The following ZFP30 variants were observed in gnomAD, a reference collection of about 807,000 sequenced individuals.
The protein encoded by ZFP30 is ZFP30 zinc finger protein.
ZFP30 carries 16 observed loss-of-function variants against 12.3 expected under a neutral mutation model. The observed-to-expected ratio is 1.30, with a 90% CI of 0.88 to 1.98. ZFP30 has a LOEUF of 1.98. ZFP30 is among the 30% of genes most tolerant of loss of function. The pLI, the probability that ZFP30 is intolerant of heterozygous loss-of-function variation, is 0.00. For missense variants in ZFP30, 560 were observed against 611.2 expected (o/e 0.92, Z 0.88); for synonymous variants, 172 against 201.0 (o/e 0.86, Z 1.22).
In ZFP30 at chr19:37,633,977, T is replaced by C. The variant is rs550015581; in HGVS notation, c.*1004A>G. The C allele has an allele frequency of 6.6e-6, 1 of 152,232 alleles. No individual in the cohort carries two copies. The highest frequency in any genetic ancestry group is 1.5e-5 in the Non-Finnish European group (1 of 68,044). The allele number at this position is 152,232 out of a possible 1,614,324, so 9.4% of individuals were successfully genotyped here. ...CAAAGTTTCTTAATATTATCTAATA[T>C]TGTCAATATTCCATTCTCCCAATTA... On this transcript the variant is annotated 3_prime_UTR_variant, in exon 6 of 6. Coordinates refer to ENST00000684514, the MANE Select transcript of ZFP30 (RefSeq NM_001320669.3).
chr19:37,635,200 A>T lies in ZFP30; in HGVS notation c.1341T>A (p.Phe447Leu). 1.2e-6 allele frequency: 2 copies of T among 1,613,436 alleles called. No homozygotes were observed. The highest frequency in any genetic ancestry group is 4.5e-5 in the East Asian group (2 of 44,842). Residue 447 changes from phenylalanine to leucine, a missense_variant, in exon 6 of 6, where the codon TTT (phenylalanine) becomes TTA (leucine). Coordinates refer to ENST00000684514, the MANE Select transcript of ZFP30 (RefSeq NM_001320669.3). ...GTTGGGTAAGTTGTGAAAGCAGTCT[A>T]AAAGTCTTCTCACATTCCTTACACT... is the stretch of plus-strand genomic sequence containing the variant. ...PFKCKECEKT[F>L]RLLSQLTQHQ... is the part of the protein sequence containing the mutation.
intron 3 of ZFP30, among the ~76,000 whole-genome samples, chr19:37,645,592 C>T (rs1411735195): frequency 2.0e-5 from 3 of 149,262 alleles, no homozygotes; most frequent in Non-Finnish European, 3.0e-5. Flanking sequence ...AAACTTCCTA[C>T]GTACTATGGA....
chr19:37,649,137 T>C (rs2044599245), intron 2 of ZFP30, among the ~76,000 whole-genome samples: 1 of 151,620 alleles, frequency 6.6e-6, no homozygotes, highest in Non-Finnish European at 1.5e-5. Context: ...CCTAGTTACT[T>C]GGGAGGCTGA....
intron 2 of ZFP30, among the ~76,000 whole-genome samples, chr19:37,654,117 G>A (rs184882405): frequency 2.0e-4 from 30 of 152,294 alleles, no homozygotes; most frequent in East Asian, 1.9e-3. Context: ...ACACCGTAAA[G>A]TATACACTAT....
intron 2 of ZFP30, among the ~76,000 whole-genome samples, chr19:37,648,743 T>C (rs1481467961): frequency 1.3e-5 from 2 of 152,190 alleles, no homozygotes; most frequent in Admixed American, 6.5e-5. Context: ...AGAAAGGCTA[T>C]ATAGCAGCCT....
Position 37,632,542 on chromosome 19 carries a change from A to G in ZFP30, c.*2439T>C, listed in dbSNP as rs1944298733. On this transcript the variant is annotated 3_prime_UTR_variant, in exon 6 of 6. Transcript: ENST00000684514. Reference sequence around the variant, plus strand: ...CGCTGACAATAGAAATACGTGAGCTACATATATAAATTTTCCTATAACAAT... The same window carrying G: ...CGCTGACAATAGAAATACGTGAGCTGCATATATAAATTTTCCTATAACAAT... The G allele has an allele frequency of 6.6e-6, 1 of 152,192 alleles. No individual in the cohort carries two copies. Among genetic ancestry groups the G allele is most frequent in the African/African-American group, 2.4e-5 (1 of 41,452 alleles). The allele number at this position is 152,192 out of a possible 1,614,324, so 9.4% of individuals were successfully genotyped here.
Position 37,635,577 on chromosome 19 carries a change from C to T in ZFP30, c.964G>A (p.Gly322Arg), listed in dbSNP as rs1348488396. Residue 322 changes from glycine (G) to arginine (R), a missense_variant, in exon 6 of 6, where the codon GGA (glycine) becomes AGA (arginine). By Grantham distance (125) the Gly-to-Arg change is moderately radical. Transcript: ENST00000684514. ...TCCTTACATTCATAGGGTTTTTCTC[C>T]AGTATGAAGTTTGTGATGTAGTCGA... ...GLRLHHKLHT[G>R]EKPYECKECG... 5.0e-6 allele frequency: 8 copies of T among 1,614,100 alleles called. No homozygotes were observed. The highest frequency in any genetic ancestry group is 1.1e-5 in the South Asian group (1 of 91,078).
At chr19:37,636,382 G>A (rs1400366485) in intron 5 of ZFP30, 77 bp from the exon 6 acceptor site, 65 of 1,262,766 alleles carry the variant, frequency 5.1e-5, no homozygotes, top group Middle Eastern at 3.0e-4. Flanking sequence ...AATAGAAATC[G>A]GTGACCAAAA....
rs1467332171 is a variant in ZFP30 at position 37,633,165 on chromosome 19, C to A, written c.*1816G>T. ...CAGCCTGGGCGAAAGAGCGAGACTC[C>A]GTCTCAAAAAAAAAAAAAAAAAAGG... On this transcript the variant is annotated 3_prime_UTR_variant, in exon 6 of 6. Transcript: ENST00000684514. 7.9e-6 allele frequency: 1 copy of A among 126,710 alleles called. No individual in the cohort carries two copies. The highest frequency in any genetic ancestry group is 1.7e-5 in the Non-Finnish European group (1 of 58,392). The allele number at this position is 126,710 out of a possible 1,614,324, so 7.8% of individuals were successfully genotyped here.
chr19:37,635,516 G>C lies in ZFP30; in HGVS notation c.1025C>G (p.Thr342Ser), dbSNP rs983365112. 1 of 1,613,734 alleles carries C rather than the reference G, an allele frequency of 6.2e-7. No homozygotes were observed. The highest frequency in any genetic ancestry group is 1.3e-5 in the African/African-American group (1 of 74,812). The change falls in exon 6 of 6, where the codon ACT (threonine) becomes AGT (serine). Residue 342 changes from threonine to serine, a missense_variant. By Grantham distance (58) the Thr-to-Ser change is moderately conservative (BLOSUM62 1). Coordinates refer to ENST00000684514, the MANE Select transcript of ZFP30 (RefSeq NM_001320669.3). ...ACCAGTGTGAATTCTCTGATGGAGA[G>C]TAAGTTGCTGCCGCACTCTAAAGGC... ...GKAFRVRQQL[T>S]LHQRIHTGEK...
Position 37,636,143 on chromosome 19 carries a change from G to A in ZFP30, c.398C>T (p.Ser133Phe). 1 of 1,614,108 alleles carries A rather than the reference G, an allele frequency of 6.2e-7. No homozygotes were observed. Among genetic ancestry groups the A allele is most frequent in the Non-Finnish European group, 8.5e-7 (1 of 1,180,028 alleles). Reference sequence around the variant, plus strand: ...TTTTCTGTAAGTAGGCATTTTTTCAGAGGTGGTTTTTGTCACTTGCCTGAA... The same window carrying A: ...TTTTCTGTAAGTAGGCATTTTTTCAAAGGTGGTTTTTGTCACTTGCCTGAA... ...VCFRQVTKTT[S>F]EKMPTYRKLT... Residue 133 changes from serine (S) to phenylalanine (F), a missense_variant, in exon 6 of 6, where the codon TCT becomes TTT. Coordinates refer to ENST00000684514, the MANE Select transcript of ZFP30 (RefSeq NM_001320669.3).
In ZFP30 at chr19:37,632,307, T is replaced by TAC. The variant is rs2044246567; in HGVS notation, c.*2672_*2673dup. The stretch of plus-strand genomic sequence containing the variant: ...GTGTATAAATATAAATATATATACC[T>TAC]ACACACTATACACACACACATTACA... On this transcript the variant is annotated 3_prime_UTR_variant, in exon 6 of 6. Coordinates refer to ENST00000684514, the MANE Select transcript of ZFP30 (RefSeq NM_001320669.3). The TAC allele has an allele frequency of 2.0e-5, 3 of 152,048 alleles. No individual in the cohort carries two copies. Among genetic ancestry groups the TAC allele is most frequent in the Non-Finnish European group, 2.9e-5 (2 of 67,996 alleles). The allele number at this position is 152,048 out of a possible 1,614,324, so 9.4% of individuals were successfully genotyped here.
At chr19:37,650,591 T>C (rs902984730) in intron 2 of ZFP30, among the ~76,000 whole-genome samples, 5 of 152,146 alleles carry the variant, frequency 3.3e-5, no homozygotes, top group African/African-American at 4.8e-5. Context: ...CATGCTAATA[T>C]TTCCACTTCT....
intron 2 of ZFP30, among the ~76,000 whole-genome samples, chr19:37,650,738 C>CT (rs34780474): frequency 0.16 from 23,274 of 142,758 alleles, 2,111 homozygotes; most frequent in Non-Finnish European, 0.22. Context: ...TTTTCTTTTC[C>CT]TTTTTTTTTT....
At chr19:37,644,267 G>A (rs1035401550) in intron 4 of ZFP30, 3 of 164,554 alleles carry the variant, frequency 1.8e-5, no homozygotes, top group African/African-American at 7.2e-5. Flanking sequence ...CAGACGCGGT[G>A]GCTCACACCT....
At chr19:37,653,817 A>G (rs2044700129) in intron 2 of ZFP30, among the ~76,000 whole-genome samples, 1 of 152,238 alleles carries the variant, frequency 6.6e-6, no homozygotes, top group Admixed American at 6.5e-5. Context: ...AATTCTGTAT[A>G]TAATCTTAAA....
At chr19:37,636,419 A>G (rs537991675) in intron 5 of ZFP30, 114 bp from the exon 6 acceptor site, 330 of 1,120,374 alleles carry the variant, frequency 2.9e-4, no homozygotes, top group Non-Finnish European at 3.7e-4. Context: ...AGAAAGCCCA[A>G]TTGAAGTAAA....
At chr19:37,652,150 A>G (rs556908795) in intron 2 of ZFP30, among the ~76,000 whole-genome samples, 4 of 152,232 alleles carry the variant, frequency 2.6e-5, no homozygotes, top group Non-Finnish European at 5.9e-5. Flanking sequence ...CTGGGATGTC[A>G]CTTTTCTCCA....
At chr19:37,642,103 T>C (rs1216264730) in intron 5 of ZFP30, among the ~76,000 whole-genome samples, 2 of 152,358 alleles carry the variant, frequency 1.3e-5, no homozygotes, top group Admixed American at 1.3e-4. Flanking sequence ...AGCACTGATA[T>C]TCAATATCTA....
Sources: allele counts gnomAD v4.1 joint callset (sites outside exome capture counted in the v4.1 genomes callset), GRCh38; gene constraint gnomAD v4.1.1; transcripts MANE v1.5; gene names NCBI Gene and HGNC (gene_info 2026-07-23, HGNC 2026-07-21).